Variants in PCDHGB2 observed in about 807,000 individuals in gnomAD.
The protein encoded by PCDHGB2 is protocadherin gamma subfamily B, 2.
PCDHGB2 carries 55 observed loss-of-function variants against 59.3 expected under a neutral mutation model. The observed-to-expected ratio is 0.93, with a 90% CI of 0.75 to 1.16. PCDHGB2 has a LOEUF of 1.16. PCDHGB2 is among the 50% of genes most tolerant of loss of function. The probability of loss-of-function intolerance (pLI) is 0.00; values close to 1 mark genes in which losing one functional copy is unlikely to be tolerated. For synonymous variants in PCDHGB2, 516 were observed against 512.0 expected (o/e 1.01, Z -0.11); for missense variants, 1,228 against 1,198.5 (o/e 1.02, Z -0.36).
intron 1 of PCDHGB2, among the ~76,000 whole-genome samples, chr5:141,386,696 G>A (rs2090675281): frequency 6.6e-6 from 1 of 152,096 alleles, no homozygotes; most frequent in African/African-American, 2.4e-5. Context: ...ACTTGGGGTA[G>A]AAGACAATGT....
At chr5:141,499,548 A>G (rs1312910986) in intron 2 of PCDHGB2, among the ~76,000 whole-genome samples, 3 of 152,226 alleles carry the variant, frequency 2.0e-5, no homozygotes, top group African/African-American at 7.2e-5. Flanking sequence ...ATGAACCTGT[A>G]TGATACCACT....
Position 141,509,375 on chromosome 5 carries a change from T to C in PCDHGB2, c.2570-1572T>C, listed in dbSNP as rs1450730489. Among the ~76,000 whole-genome samples, 6 of 152,168 alleles carry C rather than the reference T, an allele frequency of 3.9e-5. No homozygotes were observed. In the East Asian group the frequency reaches 1.2e-3, roughly 29 times the overall value. On this transcript the variant is annotated intron_variant, in intron 3 of 3. Coordinates refer to ENST00000522605, the MANE Select transcript of PCDHGB2 (RefSeq NM_018923.3). ...GGGCATCCCTGAGGTTTTAACTGTC[T>C]CCTAACCACAGAGGATCTCAGGGCC...
intron 1 of PCDHGB2, chr5:141,419,226 C>T (rs560904796): frequency 1.9e-6 from 3 of 1,614,006 alleles, no homozygotes; most frequent in East Asian, 2.2e-5. Context: ...GGACAGTCAG[C>T]CTACCTGGTC....
chr5:141,397,424 T>A (rs975746097), intron 1 of PCDHGB2, among the ~76,000 whole-genome samples: 4 of 152,324 alleles, frequency 2.6e-5, no homozygotes, highest in African/African-American at 9.6e-5. Flanking sequence ...ATAGTATAGA[T>A]TTCCCTAATA....
At chr5:141,416,274 A>G (rs2096010347) in intron 1 of PCDHGB2, 2 of 152,404 alleles carry the variant, frequency 1.3e-5, no homozygotes, top group Non-Finnish European at 1.5e-5. Flanking sequence ...CTTTTTGCAT[A>G]CAATTCTCTA....
In PCDHGB2 at chr5:141,361,602, C is replaced by T; in HGVS notation, c.1467C>T (p.Tyr489=). 6.2e-7 allele frequency: 1 copy of T among 1,614,054 alleles called. No homozygotes were observed. The part of the protein sequence containing the change: ...PDLGPSGQVS[Y]SIVASDLKPR... ...TGGGCCCCAGTGGCCAAGTTTCCTA[C>T]TCCATCGTAGCGAGCGACCTGAAGC... The change falls in exon 1 of 4, where the codon TAC becomes TAT. Residue 489 remains tyrosine (Y), a synonymous_variant. Transcript: ENST00000522605.
At chr5:141,462,896 A>G (rs1280422442) in intron 1 of PCDHGB2, among the ~76,000 whole-genome samples, 1 of 152,142 alleles carries the variant, frequency 6.6e-6, no homozygotes, top group African/African-American at 2.4e-5. Context: ...TTGTTTTGGA[A>G]GGCTATTATG....
At chr5:141,453,481 T>TA (rs1178324090) in intron 1 of PCDHGB2, among the ~76,000 whole-genome samples, 1 of 151,928 alleles carries the variant, frequency 6.6e-6, no homozygotes, top group African/African-American at 2.4e-5. Context: ...TCAAAACTAT[T>TA]AAAAAAAGGT....
At position 141,362,221 on chromosome 5, in the gene PCDHGB2, T is replaced by C; in HGVS notation, c.2086T>C (p.Leu696=). ...AKLQFYLVVA[L]ALISVLFFLA... is the part of the protein sequence containing the mutation. ...ACTGCAGTTTTACCTGGTTGTGGCC[T>C]TGGCCTTGATCTCAGTGCTCTTCTT... Residue 696 remains leucine, a synonymous_variant, in exon 1 of 4, where the codon TTG becomes CTG. Transcript: ENST00000522605. The C allele has an allele frequency of 1.2e-6, 2 of 1,614,044 alleles. No homozygotes were observed. The highest frequency in any genetic ancestry group is 1.7e-6 in the Non-Finnish European group (2 of 1,179,890).
At chr5:141,365,388 C>G in intron 1 of PCDHGB2, 1 of 1,613,966 alleles carries the variant, frequency 6.2e-7, no homozygotes, top group South Asian at 1.1e-5. Context: ...ACCTCTCTGA[C>G]CAGTTCGATC....
rs1188870363 is a variant in PCDHGB2 at position 141,490,058 on chromosome 5, C to T, written c.2422-4749C>T. ...AATGCCACTGATCCAGACGAGGGCA[C>T]CAACGGCCAACTAGACTATTCTTTT... On this transcript the variant is annotated intron_variant, in intron 1 of 3. Coordinates refer to ENST00000522605, the MANE Select transcript of PCDHGB2 (RefSeq NM_018923.3). The surrounding 1 kb of genome is among the most constrained non-coding windows in gnomAD (Gnocchi z 5.4). The T allele has an allele frequency of 6.2e-7, 1 of 1,614,230 alleles. No individual in the cohort carries two copies. Among genetic ancestry groups the T allele is most frequent in the South Asian group, 1.1e-5 (1 of 91,084 alleles).
rs750109717 is a variant in PCDHGB2, at chr5:141,490,546, A to C, written c.2422-4261A>C. 1.9e-6 allele frequency: 3 copies of C among 1,614,110 alleles called. No individual in the cohort carries two copies. Among genetic ancestry groups the C allele is most frequent in the Non-Finnish European group, 2.5e-6 (3 of 1,180,036 alleles). On this transcript the variant is annotated intron_variant, in intron 1 of 3. Transcript: ENST00000522605. The surrounding 1 kb of genome is among the most constrained non-coding windows in gnomAD (Gnocchi z 5.4). ...CGATGCTGGTTCACCTTCCCTACAC[A>C]AACATCTCACCATCAGGCTCAACAT...
At chr5:141,394,060 C>T (rs1437765710) in intron 1 of PCDHGB2, 1 of 1,613,662 alleles carries the variant, frequency 6.2e-7, no homozygotes, top group Non-Finnish European at 8.5e-7. Context: ...GAAAATGTCT[C>T]TATCTACAAT....
chr5:141,472,230 C>T (rs1274096264), intron 1 of PCDHGB2, among the ~76,000 whole-genome samples: 1 of 152,116 alleles, frequency 6.6e-6, no homozygotes, highest in Non-Finnish European at 1.5e-5. Flanking sequence ...TCATATAATA[C>T]ATTCACTTTC....
In PCDHGB2 at chr5:141,404,831, C is replaced by T. The variant is rs760971907; in HGVS notation, c.2421+42275C>T. 12 of 1,613,738 alleles carry T rather than the reference C, an allele frequency of 7.4e-6. No homozygotes were observed. The highest frequency in any genetic ancestry group is 3.3e-5 in the Admixed American group (2 of 59,978). On this transcript the variant is annotated intron_variant, in intron 1 of 3. Transcript: ENST00000522605. ...GGTGGGGCTGCACACAGGTGAAGTGCGCACAGCTCGGGCCCTGCTAGATAG... is the reference window on the plus strand; with the variant it reads ...GGTGGGGCTGCACACAGGTGAAGTGTGCACAGCTCGGGCCCTGCTAGATAG...
At chr5:141,408,228 G>C (rs1233027944) in intron 1 of PCDHGB2, 2 of 1,564,122 alleles carry the variant, frequency 1.3e-6, no homozygotes, top group South Asian at 2.3e-5. Flanking sequence ...GCGCAGAGGC[G>C]CCGGGCCGGC....
At chr5:141,464,729 G>T (rs1412585185) in intron 1 of PCDHGB2, among the ~76,000 whole-genome samples, 1 of 151,948 alleles carries the variant, frequency 6.6e-6, no homozygotes, top group Non-Finnish European at 1.5e-5. Context: ...ATGTTTAAAA[G>T]CCAGTTTATA....
At chr5:141,405,473 G>A in intron 1 of PCDHGB2, 3 of 1,066,958 alleles carry the variant, frequency 2.8e-6, no homozygotes, top group Non-Finnish European at 4.0e-6. Flanking sequence ...AGGCTGGAAT[G>A]CAGTGGTGTG....
At chr5:141,415,183 G>A (rs201831693) in intron 1 of PCDHGB2, 913 of 1,613,968 alleles carry the variant, frequency 5.7e-4, no homozygotes, top group Non-Finnish European at 5.1e-4. Flanking sequence ...GGCCGTGGCC[G>A]ACAGCATCCC....
Sources: gnomAD v4.1 joint callset for allele counts (sites outside exome capture counted in the v4.1 genomes callset) on GRCh38, gnomAD v4.1.1 for gene constraint, Gnocchi (gnomAD v3.1) non-coding constraint, MANE v1.5 for transcripts, NCBI Gene and HGNC (gene_info 2026-07-23, HGNC 2026-07-21) for gene names.